LTBP1: variants seen among roughly 807,000 people sequenced by gnomAD.
LTBP1 encodes the protein latent transforming growth factor beta binding protein 1.
Under a neutral mutation model 207.6 loss-of-function variants are expected in LTBP1, and 129 were observed. The observed-to-expected ratio is 0.62, with a 90% CI of 0.54 to 0.72. The LOEUF is 0.72. Among genes scored for constraint, LTBP1 ranks in the 30% least tolerant of loss-of-function variants. The pLI, the probability that LTBP1 is intolerant of heterozygous loss-of-function variation, is 0.00. For missense variants in LTBP1, 2,281 were observed against 2,217.2 expected (o/e 1.03, Z -0.58); for synonymous variants, 963 against 833.7 (o/e 1.16, Z -2.67).
intron 3 of LTBP1, among the ~76,000 whole-genome samples, chr2:33,081,778 A>G (rs990127701): frequency 1.3e-5 from 2 of 152,074 alleles, no homozygotes; most frequent in Non-Finnish European, 2.9e-5. Context: ...TAATTGAATC[A>G]TGGGGGCGGT....
intron 22 of LTBP1, among the ~76,000 whole-genome samples, chr2:33,308,594 C>A (rs1342981631): frequency 2.6e-5 from 4 of 151,924 alleles, no homozygotes; most frequent in African/African-American, 9.7e-5. Context: ...TGCATATGAC[C>A]CCTAAAGTTG....
At chr2:32,948,598 G>A (rs1439396334) in intron 1 of LTBP1, among the ~76,000 whole-genome samples, 1 of 152,198 alleles carries the variant, frequency 6.6e-6, no homozygotes, top group Non-Finnish European at 1.5e-5. Context: ...TAATTTGGGG[G>A]TAAGAAAACC....
intron 23 of LTBP1, among the ~76,000 whole-genome samples, chr2:33,313,177 A>G (rs1472891016): frequency 6.6e-6 from 1 of 152,250 alleles, no homozygotes; most frequent in Non-Finnish European, 1.5e-5. Flanking sequence ...CCTTCCTTGA[A>G]ATATCTAAAA....
At chr2:32,996,266 G>A (rs1685254115) in intron 2 of LTBP1, among the ~76,000 whole-genome samples, 1 of 152,140 alleles carries the variant, frequency 6.6e-6, no homozygotes, top group South Asian at 2.1e-4. Flanking sequence ...TTCCTAGACG[G>A]CCATCTTTTT....
chr2:33,267,857 G>A (rs1394509745), intron 15 of LTBP1, among the ~76,000 whole-genome samples: 2 of 152,160 alleles, frequency 1.3e-5, no homozygotes, highest in Non-Finnish European at 2.9e-5. Flanking sequence ...CTGCAGAGCT[G>A]GTTAAAAAAA....
At chr2:33,351,985 G>A (rs558112486) in intron 26 of LTBP1, among the ~76,000 whole-genome samples, 126 of 152,200 alleles carry the variant, frequency 8.3e-4, no homozygotes, top group African/African-American at 2.5e-3. Flanking sequence ...AATATCTTCT[G>A]CCCCCACCTC....
intron 5 of LTBP1, among the ~76,000 whole-genome samples, chr2:33,161,503 G>A (rs554832955): frequency 6.6e-5 from 10 of 152,190 alleles, no homozygotes; most frequent in South Asian, 6.2e-4. Flanking sequence ...TCCTGACCTC[G>A]TGATCCACCT....
intron 3 of LTBP1, among the ~76,000 whole-genome samples, chr2:33,064,079 T>C (rs2077390212): frequency 6.6e-6 from 1 of 152,160 alleles, no homozygotes; most frequent in Non-Finnish European, 1.5e-5. Context: ...GGTCTCAAAC[T>C]CCTGACCTCA....
At chr2:33,124,066 G>A (rs1188948468) in intron 4 of LTBP1, among the ~76,000 whole-genome samples, 1 of 152,084 alleles carries the variant, frequency 6.6e-6, no homozygotes, top group African/African-American at 2.4e-5. Flanking sequence ...TTAAAAATTT[G>A]TTATGTGACT....
chr2:33,370,441 C>T (rs1038535373), intron 31 of LTBP1, among the ~76,000 whole-genome samples: 4 of 152,064 alleles, frequency 2.6e-5, no homozygotes, highest in Admixed American at 1.3e-4. Flanking sequence ...AAAGATGGGG[C>T]GGGGCGCGAG....
intron 5 of LTBP1, among the ~76,000 whole-genome samples, chr2:33,177,369 G>C (rs2086170080): frequency 6.6e-6 from 1 of 152,190 alleles, no homozygotes; most frequent in Admixed American, 6.5e-5. Context: ...TGCAGACAAG[G>C]CTGAGCGTGG....
chr2:33,135,033 C>G (rs966620578), intron 5 of LTBP1, 73 bp downstream of exon 5: 16 of 1,433,384 alleles, frequency 1.1e-5, no homozygotes, highest in Non-Finnish European at 1.4e-5. Context: ...TAGACACCCC[C>G]TCCATTCACA....
At chr2:33,073,788 G>A (rs1457739021) in intron 3 of LTBP1, among the ~76,000 whole-genome samples, 7 of 151,924 alleles carry the variant, frequency 4.6e-5, no homozygotes, top group Admixed American at 2.6e-4. Context: ...CACCATGCCC[G>A]GCTAATTTTT....
intron 5 of LTBP1, among the ~76,000 whole-genome samples, chr2:33,160,473 G>A (rs529734106): frequency 3.9e-5 from 6 of 152,308 alleles, no homozygotes; most frequent in Admixed American, 1.3e-4. Flanking sequence ...TTGAATGCCT[G>A]TGTAAGTTTG....
At chr2:33,352,410 A>G (rs1042075877) in intron 26 of LTBP1, among the ~76,000 whole-genome samples, 4 of 152,158 alleles carry the variant, frequency 2.6e-5, no homozygotes, top group Non-Finnish European at 4.4e-5. Context: ...AATTACAGGC[A>G]TGAGCCACTG....
At chr2:33,323,968 G>T (rs1248097547) in intron 24 of LTBP1, among the ~76,000 whole-genome samples, 1 of 152,118 alleles carries the variant, frequency 6.6e-6, no homozygotes, top group Non-Finnish European at 1.5e-5. Context: ...TGTGAACTTG[G>T]TGAGTGCTTC....
Position 33,243,645 on chromosome 2 carries a change from A to G in LTBP1, c.1877-17A>G, listed in dbSNP as rs373080310. On this transcript the variant is annotated splice_polypyrimidine_tract_variant and intron_variant, in intron 9 of 33. Coordinates refer to ENST00000404816, the MANE Select transcript of LTBP1 (RefSeq NM_206943.4). ...GGGGCTTGACTGCTCCTTCTAAAGA[A>G]TTGTGTTTTCCTGCAGATATTAATG... is the stretch of plus-strand genomic sequence containing the variant. 3.1e-6 allele frequency: 5 copies of G among 1,612,648 alleles called. No homozygotes were observed. In the African/African-American group the frequency reaches 6.7e-5, roughly 22 times the overall value.
intron 4 of LTBP1, among the ~76,000 whole-genome samples, chr2:33,129,659 AT>A (rs2081648850): frequency 6.6e-6 from 1 of 152,218 alleles, no homozygotes; most frequent in Non-Finnish European, 1.5e-5. Flanking sequence ...CTTTTAAAAA[AT>A]ATTATTGGCT....
intron 5 of LTBP1, among the ~76,000 whole-genome samples, chr2:33,142,900 C>G (rs1001090056): frequency 6.6e-6 from 1 of 152,214 alleles, no homozygotes; most frequent in Non-Finnish European, 1.5e-5. Flanking sequence ...CACAATGTCA[C>G]AAAGTGTGTA....
Sources: allele counts gnomAD v4.1 joint callset (sites outside exome capture counted in the v4.1 genomes callset), GRCh38; gene constraint gnomAD v4.1.1; transcripts MANE v1.5; gene names NCBI Gene and HGNC (gene_info 2026-07-23, HGNC 2026-07-21).